The following SP100 variants were observed in gnomAD, a reference collection of about 807,000 sequenced individuals.
SP100 encodes the protein nuclear autoantigen Sp-100.
Under a neutral mutation model 130.0 loss-of-function variants are expected in SP100, and 84 were observed. That is an observed-to-expected ratio of 0.65 (90% CI 0.54 to 0.77). SP100 has a LOEUF of 0.77. Among genes scored for constraint, SP100 ranks in the 30% least tolerant of loss-of-function variants. The pLI is 0.00. For missense variants in SP100, 978 were observed against 1,052.2 expected (o/e 0.93, Z 0.97); for synonymous variants, 331 against 351.7 (o/e 0.94, Z 0.66).
At position 230,469,093 on chromosome 2, in the gene SP100, A is replaced by T; in HGVS notation, c.1342A>T (p.Arg448Ter). 6.3e-7 allele frequency: 1 copy of T among 1,590,604 alleles called. No individual in the cohort carries two copies. Residue 448 changes from arginine (R) to a stop codon, truncating the protein, a stop_gained, in exon 14 of 29, where the codon AGA becomes TGA. Coordinates refer to ENST00000340126, the MANE Select transcript of SP100 (RefSeq NM_001080391.2). LOFTEE classifies it high-confidence loss of function. Reference sequence around the variant, plus strand: ...TACTTGGAGAATACCCAGCAGGAAGAGACGTAAGAGCAATTAAAAACTCTT... The same window carrying T: ...TACTTGGAGAATACCCAGCAGGAAGTGACGTAAGAGCAATTAAAAACTCTT... ...TSTWRIPSRK[R>*]RFSSSDFSDL...
At chr2:230,477,948 C>CAAAAAAAAAA (rs5839369) in intron 17 of SP100, among the ~76,000 whole-genome samples, 66 of 133,886 alleles carry the variant, frequency 4.9e-4, no homozygotes, top group Non-Finnish European at 6.6e-4. Context: ...ACAAAACAAA[C>CAAAAAAAAAA]AAAAAAAAAA....
intron 2 of SP100, among the ~76,000 whole-genome samples, chr2:230,438,336 T>A (rs1267630684): frequency 6.6e-6 from 1 of 152,102 alleles, no homozygotes; most frequent in Admixed American, 6.6e-5. Flanking sequence ...ATAGATAAGT[T>A]CATTAGTGGT....
chr2:230,541,381 C>A lies in SP100; in HGVS notation c.2403+9C>A. ...CCTCAGAACCGTATTATGTAAGTAA[C>A]AGCCAAACAAAAATGCTTATACTGG... On this transcript the variant is annotated intron_variant, in intron 27 of 28. Transcript: ENST00000340126. 3 of 1,609,696 alleles carry A rather than the reference C, an allele frequency of 1.9e-6. No homozygotes were observed. The highest frequency in any genetic ancestry group is 2.6e-6 in the Non-Finnish European group (3 of 1,176,354).
intron 1 of SP100, among the ~76,000 whole-genome samples, chr2:230,417,140 A>G (rs994902463): frequency 1.3e-5 from 2 of 152,200 alleles, no homozygotes; most frequent in Non-Finnish European, 2.9e-5. Flanking sequence ...TTCTCTTCCC[A>G]GTCCTGTGAA....
chr2:230,510,192 C>T (rs1461834812), intron 23 of SP100: 2 of 152,606 alleles, frequency 1.3e-5, no homozygotes, highest in Non-Finnish European at 2.9e-5. Flanking sequence ...AAAGCTTTAG[C>T]AGTCATTGTT....
chr2:230,525,145 G>A (rs1426223268), intron 24 of SP100, among the ~76,000 whole-genome samples: 1 of 152,000 alleles, frequency 6.6e-6, no homozygotes, highest in Non-Finnish European at 1.5e-5. Flanking sequence ...TTGTCCTAAA[G>A]TAAAATGACT....
chr2:230,449,194 C>G (rs763865614), intron 6 of SP100, 44 bp downstream of exon 6: 1 of 1,605,754 alleles, frequency 6.2e-7, no homozygotes, highest in Non-Finnish European at 8.5e-7. Flanking sequence ...CTATTCTTGC[C>G]CCTTTCTGGA....
rs114156708 is a variant in SP100, at chr2:230,461,488, G to A, written c.973+74G>A. 66 of 1,476,328 alleles carry A rather than the reference G, an allele frequency of 4.5e-5. No individual in the cohort carries two copies. The African/African-American group carries it at 8.6e-4, about 19-fold the overall frequency. 91.5% of individuals were successfully genotyped at this position (1,476,328 alleles called of 1,614,324 possible). A position where few individuals can be genotyped will look rare whatever the true frequency, so the allele number is the denominator to read the frequency against. On this transcript the variant is annotated intron_variant, in intron 9 of 28. Transcript: ENST00000340126. ...TAAGGGGCTCAGGGACTTCATCACGGACCATCGGGGCAGTGCAGGTAGCCT... is the reference window on the plus strand; with the variant it reads ...TAAGGGGCTCAGGGACTTCATCACGAACCATCGGGGCAGTGCAGGTAGCCT...
At chr2:230,473,226 T>G in intron 15 of SP100, 98 bp from the exon 16 acceptor site, 1 of 733,074 alleles carries the variant, frequency 1.4e-6, no homozygotes, top group Non-Finnish European at 2.4e-6. Context: ...CATCCCTTAA[T>G]TTAGCTGTGG....
At chr2:230,417,185 T>C (rs1320924672) in intron 1 of SP100, among the ~76,000 whole-genome samples, 2 of 152,228 alleles carry the variant, frequency 1.3e-5, no homozygotes, top group African/African-American at 2.4e-5. Flanking sequence ...TATTTTTCTA[T>C]GCATTTATAT....
chr2:230,423,670 C>T (rs989720882), intron 2 of SP100, among the ~76,000 whole-genome samples: 11 of 152,104 alleles, frequency 7.2e-5, no homozygotes, highest in Non-Finnish European at 2.9e-5. Context: ...ATCTCTGTGC[C>T]ACTTTGGAAA....
At chr2:230,533,740 T>C (rs1273110914) in intron 24 of SP100, among the ~76,000 whole-genome samples, 1 of 152,158 alleles carries the variant, frequency 6.6e-6, no homozygotes, top group East Asian at 1.9e-4. Flanking sequence ...AATATTAATA[T>C]CAAAAGCACA....
At chr2:230,455,229 T>A (rs12992427) in intron 8 of SP100, among the ~76,000 whole-genome samples, 36,609 of 151,850 alleles carry the variant, frequency 0.24, 4,696 homozygotes, top group Non-Finnish European at 0.29. Flanking sequence ...ATCTGACTAA[T>A]TTTTTTTAGT....
At chr2:230,437,071 G>A (rs909060878) in intron 2 of SP100, among the ~76,000 whole-genome samples, 3 of 151,698 alleles carry the variant, frequency 2.0e-5, no homozygotes, top group Non-Finnish European at 4.4e-5. Context: ...CTATTTAAAT[G>A]ACTTCACCAT....
At position 230,543,622 on chromosome 2, in the gene SP100, A is replaced by G. The variant is rs1471318936; in HGVS notation, c.*676A>G. The G allele has an allele frequency of 1.3e-5, 2 of 152,200 alleles. No individual in the cohort carries two copies. The highest frequency in any genetic ancestry group is 1.3e-4 in the Admixed American group (2 of 15,280). 9.4% of individuals were successfully genotyped at this position (152,200 alleles called of 1,614,324 possible). ...ATCAGGGAGGTGAGAGAGTTCTACA[A>G]TGAGAATTACGAAACACTGCTCAAA... On this transcript the variant is annotated 3_prime_UTR_variant, in exon 29 of 29. Transcript: ENST00000340126.
chr2:230,425,437 C>T (rs530423848), intron 2 of SP100, among the ~76,000 whole-genome samples: 1 of 152,140 alleles, frequency 6.6e-6, no homozygotes, highest in Non-Finnish European at 1.5e-5. Context: ...TTCATTTATA[C>T]CCAATTTGTT....
At chr2:230,421,068 T>C (rs2062753063) in intron 2 of SP100, among the ~76,000 whole-genome samples, 2 of 125,902 alleles carry the variant, frequency 1.6e-5, no homozygotes, top group South Asian at 4.6e-4. Flanking sequence ...ATTTACATGT[T>C]GTTCATAACC....
At chr2:230,501,460 C>A (rs557732372) in intron 19 of SP100, among the ~76,000 whole-genome samples, 1 of 152,208 alleles carries the variant, frequency 6.6e-6, no homozygotes. Context: ...TCTGATGGTA[C>A]CATTTTTATC....
chr2:230,520,978 T>A (rs115326805), intron 24 of SP100, among the ~76,000 whole-genome samples: 2,921 of 152,268 alleles, frequency 0.019, 43 homozygotes, highest in Admixed American at 0.032. Context: ...CTTTTCAGGG[T>A]CAGTGGGGTA....
Sources: allele counts gnomAD v4.1 joint callset (sites outside exome capture counted in the v4.1 genomes callset), GRCh38; gene constraint gnomAD v4.1.1; transcripts MANE v1.5; gene names NCBI Gene and HGNC (gene_info 2026-07-23, HGNC 2026-07-21).